Variants in GDAP1L1 observed in about 807,000 individuals in gnomAD.
GDAP1L1 encodes the protein ganglioside induced differentiation associated protein 1 like 1, also known as ganglioside-induced differentiation-associated protein 1-like 1.
In GDAP1L1, 21 loss-of-function variants were observed where a neutral mutation model predicts 37.1. The observed-to-expected ratio is 0.57, with a 90% CI of 0.40 to 0.81. GDAP1L1 has a LOEUF of 0.81. Ranked by LOEUF, GDAP1L1 falls within the 40% of genes least tolerant of loss-of-function variation. GDAP1L1 has a pLI of 0.00. For synonymous variants in GDAP1L1, 193 were observed against 209.1 expected (o/e 0.92, Z 0.67); for missense variants, 362 against 491.6 (o/e 0.74, Z 2.49).
At chr20:44,259,999 C>T (rs1038229750) in intron 3 of GDAP1L1, among the ~76,000 whole-genome samples, 3 of 152,108 alleles carry the variant, frequency 2.0e-5, no homozygotes, top group Admixed American at 2.0e-4. Context: ...CTCAGGAGGG[C>T]GGCCTGGTAC....
At chr20:44,276,367 G>A (rs2062574123) in intron 5 of GDAP1L1, among the ~76,000 whole-genome samples, 1 of 135,820 alleles carries the variant, frequency 7.4e-6, no homozygotes, top group Admixed American at 7.6e-5. Flanking sequence ...AGGAAGGAAG[G>A]AAGGAAGGAA....
chr20:44,252,228 C>A (rs558221443), intron 1 of GDAP1L1, among the ~76,000 whole-genome samples: 1 of 152,354 alleles, frequency 6.6e-6, no homozygotes, highest in Admixed American at 6.5e-5. Context: ...TGTGCACAAC[C>A]CGGCCAGGCG....
intron 3 of GDAP1L1, among the ~76,000 whole-genome samples, chr20:44,260,645 A>G (rs1434252800): frequency 6.6e-6 from 1 of 152,158 alleles, no homozygotes; most frequent in African/African-American, 2.4e-5. Flanking sequence ...AGCCTTCCAA[A>G]ATGCAGCAGC....
rs557381569 is a variant in GDAP1L1 at position 44,250,337 on chromosome 20, C to T, written c.180+2823C>T. Among the ~76,000 whole-genome samples, 8 of 152,304 alleles carry T rather than the reference C, an allele frequency of 5.3e-5. No individual in the cohort carries two copies. The East Asian group carries it at 1.5e-3, about 29-fold the overall frequency. ...TAACCTCTCATGCCCCAGTTATATC[C>T]ACACCTGTAAATTGAGAATATTAAT... On this transcript the variant is annotated intron_variant, in intron 1 of 5. Transcript: ENST00000342560.
intron 3 of GDAP1L1, among the ~76,000 whole-genome samples, chr20:44,262,560 G>C (rs1361049058): frequency 6.6e-6 from 1 of 152,082 alleles, no homozygotes; most frequent in Non-Finnish European, 1.5e-5. Context: ...CCTCCTCCGT[G>C]AGGTCTCTCA....
In GDAP1L1 at chr20:44,279,343, G is replaced by A; in HGVS notation, c.*43G>A. On this transcript the variant is annotated 3_prime_UTR_variant, in exon 6 of 6. Transcript: ENST00000342560. ...GGTGTCTGACTGTCGGTGTCTCTGTGCTGTGTGATTCCCCGTGAGCTCTCA... is the reference window on the plus strand; with the variant it reads ...GGTGTCTGACTGTCGGTGTCTCTGTACTGTGTGATTCCCCGTGAGCTCTCA... The A allele has an allele frequency of 7.8e-7, 1 of 1,278,374 alleles. No homozygotes were observed. The highest frequency in any genetic ancestry group is 1.1e-6 in the Non-Finnish European group (1 of 888,018). 79.2% of individuals were successfully genotyped at this position (1,278,374 alleles called of 1,614,324 possible).
intron 5 of GDAP1L1, among the ~76,000 whole-genome samples, chr20:44,275,796 G>A (rs1276176735): frequency 6.6e-6 from 1 of 152,162 alleles, no homozygotes; most frequent in African/African-American, 2.4e-5. Context: ...AAACAACTAG[G>A]AGAAAATATT....
At chr20:44,264,308 G>T (rs560662195) in intron 4 of GDAP1L1, 137 bp from the exon 5 acceptor site, 9 of 1,205,352 alleles carry the variant, frequency 7.5e-6, no homozygotes, top group South Asian at 2.8e-5. Flanking sequence ...GCTTCATAAC[G>T]GGGGGGCATC....
At chr20:44,271,716 G>A (rs1034754785) in intron 5 of GDAP1L1, among the ~76,000 whole-genome samples, 1 of 152,162 alleles carries the variant, frequency 6.6e-6, no homozygotes, top group African/African-American at 2.4e-5. Flanking sequence ...TCATGCTGGT[G>A]GAAACAGTGC....
intron 5 of GDAP1L1, among the ~76,000 whole-genome samples, chr20:44,272,246 G>T (rs894809642): frequency 3.3e-5 from 5 of 152,180 alleles, no homozygotes; most frequent in Admixed American, 1.3e-4. Flanking sequence ...CACATGGAGG[G>T]CTTGGCCGTG....
intron 5 of GDAP1L1, among the ~76,000 whole-genome samples, chr20:44,266,261 T>C (rs1351365601): frequency 6.6e-6 from 1 of 152,040 alleles, no homozygotes; most frequent in Non-Finnish European, 1.5e-5. Flanking sequence ...TGAACTCAGA[T>C]TGCGCCACTG....
At chr20:44,250,894 C>T (rs1455166340) in intron 1 of GDAP1L1, among the ~76,000 whole-genome samples, 1 of 152,098 alleles carries the variant, frequency 6.6e-6, no homozygotes, top group Non-Finnish European at 1.5e-5. Flanking sequence ...GGCTGTGTGA[C>T]CTGACCCTCT....
chr20:44,273,326 C>A (rs2062539927), intron 5 of GDAP1L1, among the ~76,000 whole-genome samples: 1 of 152,198 alleles, frequency 6.6e-6, no homozygotes, highest in Admixed American at 6.5e-5. Context: ...ATGTCCCTTG[C>A]TGGTTTCTCC....
intron 5 of GDAP1L1, chr20:44,264,971 C>T (rs1037957342): frequency 9.1e-6 from 9 of 985,102 alleles, no homozygotes; most frequent in Middle Eastern, 1.0e-3. Flanking sequence ...CTCGATGGGT[C>T]CAGTGTTGTT....
chr20:44,278,950 A>G lies in GDAP1L1; in HGVS notation c.761-7A>G. The G allele has an allele frequency of 3.8e-6, 6 of 1,595,798 alleles. No individual in the cohort carries two copies. Among genetic ancestry groups the G allele is most frequent in the Non-Finnish European group, 5.1e-6 (6 of 1,165,700 alleles). ...GATCCCCTTGCCTCCTCTTTCTTCC[A>G]CTCTAGGGCAGAAATGCGAGCTGTG... is the stretch of plus-strand genomic sequence containing the variant. On this transcript the variant is annotated splice_polypyrimidine_tract_variant and splice_region_variant and intron_variant, in intron 5 of 5. Transcript: ENST00000342560.
chr20:44,276,464 G>GAAAGAAAGAA (rs1568659668), intron 5 of GDAP1L1, among the ~76,000 whole-genome samples: 1 of 147,664 alleles, frequency 6.8e-6, no homozygotes, highest in African/African-American at 2.5e-5. Context: ...AAGAAAGAAA[G>GAAAGAAAGAA]AAAAAGAAAG....
At chr20:44,265,067 T>C (rs2073740055) in intron 5 of GDAP1L1, 1 of 984,974 alleles carries the variant, frequency 1.0e-6, no homozygotes, top group Non-Finnish European at 1.2e-6. Context: ...ACTCGGTTGC[T>C]CCCCCATCAC....
Position 44,279,609 on chromosome 20 carries a change from G to A in GDAP1L1, c.*309G>A, listed in dbSNP as rs528005604. 1 of 508,560 alleles carries A rather than the reference G, an allele frequency of 2.0e-6. No individual in the cohort carries two copies. Among genetic ancestry groups the A allele is most frequent in the African/African-American group, 1.9e-5 (1 of 51,720 alleles). The allele number at this position is 508,560 out of a possible 1,614,324, so 31.5% of individuals were successfully genotyped here. On this transcript the variant is annotated 3_prime_UTR_variant, in exon 6 of 6. Transcript: ENST00000342560. ...TCTCAAGATGGAACTGTGGAGACTG[G>A]TTAGGATCTGAGGTGAGTCCCAGGA...
intron 1 of GDAP1L1, 44 bp downstream of exon 1, chr20:44,247,558 T>C (rs2073354654): frequency 2.8e-6 from 4 of 1,452,146 alleles, no homozygotes; most frequent in Middle Eastern, 1.9e-4. Context: ...GCCAGGAAGC[T>C]TGGGGAGGGG....
Sources: gnomAD v4.1 joint callset for allele counts (sites outside exome capture counted in the v4.1 genomes callset) on GRCh38, gnomAD v4.1.1 for gene constraint, MANE v1.5 for transcripts, NCBI Gene and HGNC (gene_info 2026-07-23, HGNC 2026-07-21) for gene names.